GRIP1: variants seen among roughly 807,000 people sequenced by gnomAD.
GRIP1 encodes the protein glutamate receptor interacting protein 1.
In GRIP1, 45 loss-of-function variants were observed where a neutral mutation model predicts 129.9. The ratio of observed to expected loss-of-function variants is 0.35; its 90% CI spans 0.27 to 0.44. The LOEUF (loss-of-function observed/expected upper bound fraction) is 0.44, where lower values mean the gene tolerates loss of function less well. Among genes scored for constraint, GRIP1 ranks in the 20% least tolerant of loss-of-function variants. The pLI is 1.00. For missense variants in GRIP1, 1,196 were observed against 1,396.8 expected, an observed-to-expected ratio of 0.86 and a Z score of 2.29; for synonymous variants, 530 against 520.8, an observed-to-expected ratio of 1.02 and a Z score of -0.24.
chr12:66,500,231 G>A (rs1051991493), intron 7 of GRIP1, among the ~76,000 whole-genome samples: 2 of 152,170 alleles, frequency 1.3e-5, no homozygotes, highest in Admixed American at 1.3e-4. Context: ...CCATTGTACA[G>A]ACTTAGAACG....
chr12:66,762,978 T>G (rs955644049), intron 1 of GRIP1, among the ~76,000 whole-genome samples: 3 of 152,208 alleles, frequency 2.0e-5, no homozygotes, highest in Admixed American at 2.0e-4. Flanking sequence ...GAGCAGTCAC[T>G]GATCATCATA....
intron 5 of GRIP1, among the ~76,000 whole-genome samples, chr12:66,525,931 A>G (rs1025206332): frequency 6.6e-6 from 1 of 152,048 alleles, no homozygotes; most frequent in African/African-American, 2.4e-5. Context: ...CCCATTCACA[A>G]TTGCTTCAAA....
intron 1 of GRIP1, among the ~76,000 whole-genome samples, chr12:66,939,932 T>C (rs2041556467): frequency 6.6e-6 from 1 of 152,206 alleles, no homozygotes; most frequent in Non-Finnish European, 1.5e-5. Context: ...CAAGATGCCA[T>C]ATGGTTACAA....
intron 4 of GRIP1, among the ~76,000 whole-genome samples, chr12:66,535,600 G>T (rs145392816): frequency 7.4e-4 from 112 of 152,296 alleles, no homozygotes; most frequent in African/African-American, 2.6e-3. Flanking sequence ...AAGCTGCCAT[G>T]TAACTGCTGA....
chr12:66,915,867 C>G (rs1169240214), intron 1 of GRIP1, among the ~76,000 whole-genome samples: 1 of 152,178 alleles, frequency 6.6e-6, no homozygotes, highest in East Asian at 1.9e-4. Flanking sequence ...TTGCTGAGCA[C>G]CTATTAACAC....
chr12:67,046,405 T>C (rs1044124007), intron 1 of GRIP1, among the ~76,000 whole-genome samples: 1 of 152,224 alleles, frequency 6.6e-6, no homozygotes, highest in East Asian at 1.9e-4. Context: ...TTCCTGACAT[T>C]GCTTCAGTTC....
chr12:66,800,664 T>A lies in GRIP1; in HGVS notation c.-420+3389A>T, dbSNP rs143380840. ...ACCTGCCAGAGCCTATAAAAAGACA[T>A]TACCATAACACAGTATTTAGCGAAA... On this transcript the variant is annotated intron_variant, in intron 1 of 4. Coordinates refer to the GRIP1 transcript ENST00000538373. Among the ~76,000 whole-genome samples, 18 of 152,154 alleles carry A rather than the reference T, an allele frequency of 1.2e-4. No individual in the cohort carries two copies. The East Asian group carries it at 3.1e-3, about 26-fold the overall frequency.
intron 1 of GRIP1, among the ~76,000 whole-genome samples, chr12:66,748,289 T>C (rs534105375): frequency 6.6e-6 from 1 of 152,324 alleles, no homozygotes; most frequent in East Asian, 1.9e-4. Flanking sequence ...AGTGCTGGGA[T>C]TGCATGCGTG....
At chr12:66,820,933 C>T (rs529790570) in intron 1 of GRIP1, among the ~76,000 whole-genome samples, 5 of 152,132 alleles carry the variant, frequency 3.3e-5, no homozygotes, top group South Asian at 2.1e-4. Flanking sequence ...ATGGTGCATA[C>T]GTCATTATAC....
At chr12:66,655,495 C>A (rs1015207585) in intron 1 of GRIP1, among the ~76,000 whole-genome samples, 13 of 152,090 alleles carry the variant, frequency 8.5e-5, no homozygotes, top group African/African-American at 3.1e-4. Context: ...ACCCAAAGTC[C>A]ACAGTTTACA....
At chr12:66,552,059 T>A (rs892238149) in intron 2 of GRIP1, among the ~76,000 whole-genome samples, 8 of 152,044 alleles carry the variant, frequency 5.3e-5, no homozygotes, top group Admixed American at 2.6e-4. Context: ...GAGAAAGATA[T>A]CAGGTAAGGC....
intron 1 of GRIP1, among the ~76,000 whole-genome samples, chr12:66,915,463 T>C (rs2041105032): frequency 1.3e-5 from 2 of 151,498 alleles, no homozygotes; most frequent in East Asian, 1.9e-4. Context: ...AAAAGAAGAG[T>C]GTATGGTGAC....
intron 14 of GRIP1, among the ~76,000 whole-genome samples, chr12:66,430,274 A>G (rs970241143): frequency 1.3e-5 from 2 of 152,170 alleles, no homozygotes; most frequent in African/African-American, 4.8e-5. Context: ...TCCCATGAGG[A>G]GACACAAAAG....
chr12:66,383,557 TCA>T (rs2056218319), intron 19 of GRIP1, among the ~76,000 whole-genome samples: 1 of 152,180 alleles, frequency 6.6e-6, no homozygotes, highest in Non-Finnish European at 1.5e-5. Flanking sequence ...ATTGGGCATG[TCA>T]CTCAGCCCAT....
At chr12:66,488,712 T>TAGAA (rs1428117817) in intron 7 of GRIP1, among the ~76,000 whole-genome samples, 1 of 150,964 alleles carries the variant, frequency 6.6e-6, no homozygotes, top group African/African-American at 2.4e-5. Flanking sequence ...ATTAATAAAA[T>TAGAA]AGACCACTAG....
intron 1 of GRIP1, among the ~76,000 whole-genome samples, chr12:66,983,795 A>C (rs2042271959): frequency 6.6e-6 from 1 of 152,190 alleles, no homozygotes. Flanking sequence ...AAGTGATTAA[A>C]TAGTATTGCC....
chr12:66,995,893 T>C (rs529770246), intron 1 of GRIP1, among the ~76,000 whole-genome samples: 1 of 152,286 alleles, frequency 6.6e-6, no homozygotes, highest in African/African-American at 2.4e-5. Flanking sequence ...ACCTGCATTA[T>C]TCATAATAGC....
chr12:66,417,222 A>C (rs187116668), intron 15 of GRIP1, among the ~76,000 whole-genome samples: 3 of 152,302 alleles, frequency 2.0e-5, no homozygotes, highest in Admixed American at 2.0e-4. Flanking sequence ...CTGAAAAAGC[A>C]TTTGAAAAAA....
chr12:66,501,871 A>C (rs2138782734), intron 7 of GRIP1, among the ~76,000 whole-genome samples: 1 of 152,302 alleles, frequency 6.6e-6, no homozygotes, highest in South Asian at 2.1e-4. Flanking sequence ...TAATGGCTTC[A>C]CAGCAGCATG....
Sources: allele counts gnomAD v4.1 joint callset (sites outside exome capture counted in the v4.1 genomes callset), GRCh38; gene constraint gnomAD v4.1.1; transcripts MANE v1.5; gene names NCBI Gene and HGNC (gene_info 2026-07-23, HGNC 2026-07-21).